Variants in CA10 observed in about 807,000 individuals in gnomAD.
The protein encoded by CA10 is carbonic anhydrase-related protein 10.
Under a neutral mutation model 44.2 loss-of-function variants are expected in CA10, and 14 were observed. The observed-to-expected ratio is 0.32, with a 90% CI of 0.21 to 0.50. The LOEUF is 0.50. Ranked by LOEUF, CA10 falls within the 20% of genes least tolerant of loss-of-function variation. The probability of loss-of-function intolerance (pLI) is 0.99; values close to 1 mark genes in which losing one functional copy is unlikely to be tolerated. For synonymous variants in CA10, 159 were observed against 141.6 expected (o/e 1.12, Z -0.87); for missense variants, 350 against 409.7 (o/e 0.85, Z 1.26).
intron 2 of CA10, among the ~76,000 whole-genome samples, chr17:51,984,322 C>T (rs1178983061): frequency 6.6e-6 from 1 of 151,722 alleles, no homozygotes; most frequent in African/African-American, 2.4e-5. Flanking sequence ...AAAATAATGA[C>T]ACAACCTACC....
chr17:51,984,054 T>C (rs1984743817), intron 2 of CA10, among the ~76,000 whole-genome samples: 1 of 151,782 alleles, frequency 6.6e-6, no homozygotes, highest in Non-Finnish European at 1.5e-5. Context: ...AAATTATTCT[T>C]ATTCTAGTGT....
At chr17:51,949,745 A>C (rs867808905) in intron 2 of CA10, among the ~76,000 whole-genome samples, 4 of 152,154 alleles carry the variant, frequency 2.6e-5, no homozygotes, top group African/African-American at 9.7e-5. Flanking sequence ...GTTAGCCTTA[A>C]GGGTGATGTT....
intron 3 of CA10, among the ~76,000 whole-genome samples, chr17:51,846,706 C>T (rs748246152): frequency 6.6e-5 from 10 of 152,214 alleles, no homozygotes; most frequent in Non-Finnish European, 1.2e-4. Flanking sequence ...ATAAAAATGA[C>T]ATGAGGCAGA....
At chr17:52,074,387 T>C (rs959215733) in intron 1 of CA10, among the ~76,000 whole-genome samples, 3 of 152,178 alleles carry the variant, frequency 2.0e-5, no homozygotes, top group African/African-American at 7.2e-5. Context: ...CTAACAGTTT[T>C]GCATCAGAGA....
At chr17:51,743,773 C>T (rs1174386740) in intron 4 of CA10, among the ~76,000 whole-genome samples, 2 of 152,168 alleles carry the variant, frequency 1.3e-5, no homozygotes, top group African/African-American at 4.8e-5. Flanking sequence ...TGCTTTCTTG[C>T]TAGAAGTGTC....
rs73987305 is a variant in CA10, at chr17:51,903,074, T to C, written c.279+27916A>G. Reference sequence around the variant, plus strand: ...TAATACAGACACATGATATTTATCCTCAAGGATTATCATCTAGTGGGAAAC... The same window carrying C: ...TAATACAGACACATGATATTTATCCCCAAGGATTATCATCTAGTGGGAAAC... On this transcript the variant is annotated intron_variant, in intron 3 of 8. Coordinates refer to ENST00000451037, the MANE Select transcript of CA10 (RefSeq NM_020178.5). Among the ~76,000 whole-genome samples the C allele has an allele frequency of 6.9e-3, 1,047 of 152,260 alleles. 16 individuals carry two copies. Among genetic ancestry groups the C allele is most frequent in the African/African-American group, 0.023 (973 of 41,564 alleles).
At position 51,978,275 on chromosome 17, in the gene CA10, A is replaced by C. The variant is rs539964260; in HGVS notation, c.137-47143T>G. On this transcript the variant is annotated intron_variant, in intron 2 of 8. Coordinates refer to ENST00000451037, the MANE Select transcript of CA10 (RefSeq NM_020178.5). ...ACTTACCGTAAAGCTTCAGTAATCA[A>C]AATAGTGAGGTATTCACATTAATAT... Among the ~76,000 whole-genome samples, 11 of 152,260 alleles carry C rather than the reference A, an allele frequency of 7.2e-5. No homozygotes were observed. The East Asian group carries it at 1.9e-3, about 27-fold the overall frequency.
chr17:51,985,652 G>T (rs2144094767), intron 2 of CA10, among the ~76,000 whole-genome samples: 1 of 151,838 alleles, frequency 6.6e-6, no homozygotes, highest in Non-Finnish European at 1.5e-5. Flanking sequence ...GACAAATTCA[G>T]CAAATTTCCA....
At chr17:52,157,412 C>A (rs1470453659) in intron 1 of CA10, among the ~76,000 whole-genome samples, 2 of 151,920 alleles carry the variant, frequency 1.3e-5, no homozygotes, top group Non-Finnish European at 2.9e-5. Flanking sequence ...GCTCGGATTT[C>A]GGCGCCAGAG....
intron 3 of CA10, among the ~76,000 whole-genome samples, chr17:51,846,486 G>A (rs9906977): frequency 0.026 from 3,978 of 152,256 alleles, 88 homozygotes; most frequent in African/African-American, 0.054. Context: ...TATTAGCCCT[G>A]GAAATCCTCA....
intron 3 of CA10, among the ~76,000 whole-genome samples, chr17:51,795,392 G>C (rs1906668055): frequency 6.6e-6 from 1 of 152,196 alleles, no homozygotes; most frequent in Non-Finnish European, 1.5e-5. Flanking sequence ...AGGAGCAATG[G>C]AGTTACACAT....
At chr17:51,799,580 G>A (rs1906847671) in intron 3 of CA10, among the ~76,000 whole-genome samples, 1 of 152,146 alleles carries the variant, frequency 6.6e-6, no homozygotes, top group Non-Finnish European at 1.5e-5. Context: ...CAAAAGGAGA[G>A]AGTGCTACCA....
At chr17:51,833,586 T>C (rs1908364306) in intron 3 of CA10, among the ~76,000 whole-genome samples, 1 of 152,254 alleles carries the variant, frequency 6.6e-6, no homozygotes, top group African/African-American at 2.4e-5. Context: ...AACACAGAGC[T>C]GTGTTCAAAC....
At chr17:52,119,306 C>T (rs978113542) in intron 1 of CA10, among the ~76,000 whole-genome samples, 1 of 152,052 alleles carries the variant, frequency 6.6e-6, no homozygotes, top group Non-Finnish European at 1.5e-5. Flanking sequence ...TCTTTTGCAA[C>T]AGAATGCAAG....
intron 3 of CA10, among the ~76,000 whole-genome samples, chr17:51,861,193 C>T (rs531257844): frequency 4.5e-4 from 68 of 152,166 alleles, no homozygotes; most frequent in Non-Finnish European, 8.2e-4. Context: ...AGATCTGATA[C>T]TCCTAGTAGT....
chr17:51,717,808 T>C lies in CA10; in HGVS notation c.465+29825A>G, dbSNP rs1916197682. Among the ~76,000 whole-genome samples, 2 of 49,034 alleles carry C rather than the reference T, an allele frequency of 4.1e-5. 1 individual carries two copies. Among genetic ancestry groups the C allele is most frequent in the Non-Finnish European group, 7.6e-5 (2 of 26,462 alleles). The allele number at this position is 49,034 out of a possible 152,430, so 32.2% of individuals were successfully genotyped here. Reference sequence around the variant, plus strand: ...GTATATATGTATATGTGTATATATATACACGTATATATATGTGTGTGTATA... The same window carrying C: ...GTATATATGTATATGTGTATATATACACACGTATATATATGTGTGTGTATA... On this transcript the variant is annotated intron_variant, in intron 4 of 8. Coordinates refer to ENST00000451037, the MANE Select transcript of CA10 (RefSeq NM_020178.5).
chr17:51,649,569 A>G (rs1157464947), intron 5 of CA10, among the ~76,000 whole-genome samples: 1 of 152,238 alleles, frequency 6.6e-6, no homozygotes, highest in Non-Finnish European at 1.5e-5. Context: ...GAGGATGGGT[A>G]GAAGTTAACA....
At chr17:51,896,728 G>A (rs1416398835) in intron 3 of CA10, among the ~76,000 whole-genome samples, 1 of 151,882 alleles carries the variant, frequency 6.6e-6, no homozygotes, top group Non-Finnish European at 1.5e-5. Context: ...CCTTTTCTCT[G>A]TAACCTCCCC....
At chr17:51,896,860 C>T (rs539145074) in intron 3 of CA10, among the ~76,000 whole-genome samples, 4 of 152,006 alleles carry the variant, frequency 2.6e-5, no homozygotes, top group Non-Finnish European at 5.9e-5. Context: ...TTTTCACATG[C>T]TTGTTGGCCA....
Sources: allele counts gnomAD v4.1 joint callset (sites outside exome capture counted in the v4.1 genomes callset), GRCh38; gene constraint gnomAD v4.1.1; transcripts MANE v1.5; gene names NCBI Gene and HGNC (gene_info 2026-07-23, HGNC 2026-07-21).